Variants in SLCO1B3 observed in about 807,000 individuals in gnomAD.
SLCO1B3 encodes the protein liver-specific organic anion transporter 2.
Under a neutral mutation model 71.8 loss-of-function variants are expected in SLCO1B3, and 72 were observed. That is an observed-to-expected ratio of 1.00 (90% CI 0.83 to 1.22). The LOEUF is 1.22. Ranked by LOEUF, SLCO1B3 falls within the 50% of genes most tolerant of loss-of-function variation. The pLI is 0.00. For missense variants in SLCO1B3, 911 were observed against 819.7 expected, an observed-to-expected ratio of 1.11 and a Z score of -1.36; for synonymous variants, 298 against 278.4, an observed-to-expected ratio of 1.07 and a Z score of -0.70.
intron 8 of SLCO1B3, among the ~76,000 whole-genome samples, chr12:20,874,032 G>T (rs1299999878): frequency 1.3e-5 from 2 of 152,152 alleles, no homozygotes; most frequent in Admixed American, 6.5e-5. Flanking sequence ...TTGGTTCCAT[G>T]ATTTTGCTAT....
intron 3 of SLCO1B3, among the ~76,000 whole-genome samples, chr12:20,818,609 A>G (rs1463846820): frequency 6.6e-6 from 1 of 152,110 alleles, no homozygotes; most frequent in Non-Finnish European, 1.5e-5. Flanking sequence ...AGCAGATGGA[A>G]TAGCAGATGG....
intron 3 of SLCO1B3, among the ~76,000 whole-genome samples, chr12:20,851,323 T>C (rs1750632084): frequency 6.6e-6 from 1 of 152,204 alleles, no homozygotes; most frequent in African/African-American, 2.4e-5. Flanking sequence ...CACATACTTA[T>C]TAACATTTGT....
At chr12:20,886,445 G>A (rs982652687) in intron 13 of SLCO1B3, among the ~76,000 whole-genome samples, 2 of 151,998 alleles carry the variant, frequency 1.3e-5, no homozygotes, top group South Asian at 2.1e-4. Context: ...TAACTTTAGC[G>A]ATTAATAATA....
At chr12:20,846,551 G>A (rs1262720031) in intron 3 of SLCO1B3, among the ~76,000 whole-genome samples, 1 of 152,158 alleles carries the variant, frequency 6.6e-6, no homozygotes, top group East Asian at 1.9e-4. Flanking sequence ...CAATGAGTGA[G>A]TTTGCCCAGA....
intron 14 of SLCO1B3, among the ~76,000 whole-genome samples, chr12:20,899,863 A>G (rs1164528749): frequency 6.6e-6 from 1 of 152,234 alleles, no homozygotes; most frequent in Non-Finnish European, 1.5e-5. Flanking sequence ...ATATGGCACA[A>G]TGGACCCTAA....
chr12:20,815,385 ATTG>A (rs764591856), intron 2 of SLCO1B3, among the ~76,000 whole-genome samples: 51 of 152,166 alleles, frequency 3.4e-4, no homozygotes, highest in Non-Finnish European at 5.4e-4. Flanking sequence ...ATAATTTAAA[ATTG>A]TTGTTCATAC....
rs1338538420 is a variant in SLCO1B3 at position 20,818,060 on chromosome 12, A to C, written c.84+2238A>C. Among the ~76,000 whole-genome samples the C allele has an allele frequency of 3.3e-5, 5 of 152,164 alleles. 1 individual carries two copies. The highest frequency in any genetic ancestry group is 9.6e-5 in the African/African-American group (4 of 41,506). On this transcript the variant is annotated intron_variant, in intron 3 of 15. Transcript: ENST00000381545. ...CTAGACAGAAGATAGTAGGGATGAA[A>C]AGTTTTTTTGGGGCACAGTCTAAGT... is the stretch of plus-strand genomic sequence containing the variant.
At chr12:20,877,240 T>C (rs1865599916) in intron 9 of SLCO1B3, among the ~76,000 whole-genome samples, 1 of 78,120 alleles carries the variant, frequency 1.3e-5, no homozygotes. Context: ...ATTTTCTATA[T>C]TATGAACTGT....
intron 15 of SLCO1B3, among the ~76,000 whole-genome samples, chr12:20,911,841 G>C (rs1040458822): frequency 6.6e-6 from 1 of 151,976 alleles, no homozygotes; most frequent in African/African-American, 2.4e-5. Context: ...AATTAGCCTG[G>C]CAAGGGACTC....
intron 15 of SLCO1B3, among the ~76,000 whole-genome samples, chr12:20,908,714 A>T (rs74065723): frequency 0.035 from 5,274 of 152,190 alleles, 174 homozygotes; most frequent in African/African-American, 0.079. Context: ...GTATTGCTTG[A>T]TGGGTTATTT....
At chr12:20,826,790 T>A (rs1864432938) in intron 3 of SLCO1B3, among the ~76,000 whole-genome samples, 1 of 152,080 alleles carries the variant, frequency 6.6e-6, no homozygotes, top group African/African-American at 2.4e-5. Flanking sequence ...TGTATCTCTC[T>A]TATATACTAG....
intron 13 of SLCO1B3, among the ~76,000 whole-genome samples, chr12:20,885,549 G>A (rs1865778075): frequency 6.6e-6 from 1 of 151,982 alleles, no homozygotes; most frequent in Admixed American, 6.6e-5. Context: ...TAGAAAAAGT[G>A]GGGATAGGTA....
At position 20,878,555 on chromosome 12, in the gene SLCO1B3, T is replaced by C. The variant is rs1865628829; in HGVS notation, c.1135+619T>C. Among the ~76,000 whole-genome samples, 4 of 152,278 alleles carry C rather than the reference T, an allele frequency of 2.6e-5. No individual in the cohort carries two copies. The South Asian group carries it at 8.3e-4, about 32-fold the overall frequency. On this transcript the variant is annotated intron_variant, in intron 10 of 15. Coordinates refer to ENST00000381545, the MANE Select transcript of SLCO1B3 (RefSeq NM_019844.4). ...AACCTTGTAGAAATTTGATAAGTAT[T>C]TGATGAGTTAAACAGTGTATCAAAT...
intron 2 of SLCO1B3, among the ~76,000 whole-genome samples, chr12:20,815,058 A>G (rs1186913132): frequency 6.6e-6 from 1 of 150,714 alleles, no homozygotes; most frequent in Non-Finnish European, 1.5e-5. Context: ...CCCTAAATAC[A>G]GTAAGATCAT....
intron 5 of SLCO1B3, among the ~76,000 whole-genome samples, chr12:20,860,597 C>CTG (rs1286045281): frequency 5.0e-5 from 4 of 80,158 alleles, no homozygotes; most frequent in Non-Finnish European, 1.1e-4. Context: ...AAGTCAAGCA[C>CTG]TTTGTGTGTG....
chr12:20,852,132 A>G (rs1468149380), intron 3 of SLCO1B3, among the ~76,000 whole-genome samples: 1 of 152,168 alleles, frequency 6.6e-6, no homozygotes, highest in African/African-American at 2.4e-5. Flanking sequence ...TTGGCTACGC[A>G]GGGTGCCTTT....
intron 3 of SLCO1B3, among the ~76,000 whole-genome samples, chr12:20,854,784 G>A (rs4149108): frequency 0.034 from 5,242 of 152,178 alleles, 250 homozygotes; most frequent in African/African-American, 0.099. Context: ...TTTAAAAATA[G>A]CAACCTTAAC....
chr12:20,898,353 A>C, intron 13 of SLCO1B3, 83 bp from the exon 14 acceptor site: 1 of 833,194 alleles, frequency 1.2e-6, no homozygotes, highest in South Asian at 1.4e-5. Flanking sequence ...AGGGAGAGGA[A>C]TGATGCTGAT....
intron 3 of SLCO1B3, among the ~76,000 whole-genome samples, chr12:20,829,847 G>A (rs1005293636): frequency 2.0e-5 from 3 of 152,174 alleles, no homozygotes; most frequent in African/African-American, 7.2e-5. Flanking sequence ...GTAACTTGCT[G>A]ATGTGGCCAT....
Sources: allele counts gnomAD v4.1 joint callset (sites outside exome capture counted in the v4.1 genomes callset), GRCh38; gene constraint gnomAD v4.1.1; transcripts MANE v1.5; gene names NCBI Gene and HGNC (gene_info 2026-07-23, HGNC 2026-07-21).